POMT2: variants seen among roughly 807,000 people sequenced by gnomAD.
POMT2 encodes the protein protein O-mannosyl-transferase 2.
In POMT2, 75 loss-of-function variants were observed where a neutral mutation model predicts 100.0. That is an observed-to-expected ratio of 0.75 (90% CI 0.62 to 0.91). POMT2 has a LOEUF of 0.91. Among genes scored for constraint, POMT2 ranks in the 40% least tolerant of loss-of-function variants. The pLI is 0.00. For synonymous variants in POMT2, 378 were observed against 374.1 expected, an observed-to-expected ratio of 1.01 and a Z score of -0.12; for missense variants, 940 against 955.1, an observed-to-expected ratio of 0.98 and a Z score of 0.21.
intron 6 of POMT2, 130 bp downstream of exon 6, chr14:77,300,960 G>T: frequency 6.3e-7 from 1 of 1,581,910 alleles, no homozygotes; most frequent in Non-Finnish European, 8.6e-7. Flanking sequence ...GAGGTTGGGG[G>T]GTCCAGCCCA....
chr14:77,286,900 C>T (rs1274306064), intron 11 of POMT2, 78 bp from the exon 12 acceptor site: 2 of 1,607,180 alleles, frequency 1.2e-6, no homozygotes, highest in Non-Finnish European at 8.5e-7. Flanking sequence ...CAAGGATGTT[C>T]AGAGTCAACT....
intron 2 of POMT2, 116 bp from the exon 3 acceptor site, chr14:77,306,557 T>C (rs1468516614): frequency 7.6e-6 from 9 of 1,190,750 alleles, no homozygotes; most frequent in African/African-American, 4.6e-5. Context: ...CAACTGTCCA[T>C]AGAAAATGTT....
In POMT2 at chr14:77,277,603, T is replaced by A. The variant is rs1262532881; in HGVS notation, c.2148-122A>T. ...CCCCATCGCCAAGCCCGGTTCTCTTTCACGGCCTTGTCTGTCTGAGTCCCA... is the reference window on the plus strand; with the variant it reads ...CCCCATCGCCAAGCCCGGTTCTCTTACACGGCCTTGTCTGTCTGAGTCCCA... On this transcript the variant is annotated intron_variant, in intron 20 of 20. Coordinates refer to ENST00000261534, the MANE Select transcript of POMT2 (RefSeq NM_013382.7). 4.9e-6 allele frequency: 4 copies of A among 815,872 alleles called. No individual in the cohort carries two copies. In the African/African-American group the frequency reaches 6.7e-5, roughly 14 times the overall value. 50.5% of individuals were successfully genotyped at this position (815,872 alleles called of 1,614,324 possible). A position where few individuals can be genotyped will look rare whatever the true frequency, so the allele number is the denominator to read the frequency against.
intron 10 of POMT2, among the ~76,000 whole-genome samples, chr14:77,290,743 G>A (rs562986925): frequency 1.3e-4 from 20 of 152,312 alleles, no homozygotes; most frequent in African/African-American, 3.1e-4. Context: ...GCTTCAGAGC[G>A]CCTTCACCCA....
chr14:77,280,647 C>A (rs1277743869), intron 15 of POMT2, among the ~76,000 whole-genome samples, 184 bp from the exon 16 acceptor site: 2 of 152,168 alleles, frequency 1.3e-5, no homozygotes, highest in Non-Finnish European at 2.9e-5. Flanking sequence ...TTTACTTCTC[C>A]CAGACAAGCC....
At chr14:77,280,356 C>G in intron 16 of POMT2, 36 bp downstream of exon 16, 1 of 1,613,540 alleles carries the variant, frequency 6.2e-7, no homozygotes, top group Admixed American at 1.7e-5. Flanking sequence ...GTTCTTGGCT[C>G]CATTTCCTGG....
intron 11 of POMT2, among the ~76,000 whole-genome samples, chr14:77,288,497 T>C (rs538976867): frequency 1.9e-4 from 29 of 152,036 alleles, no homozygotes; most frequent in African/African-American, 6.5e-4. Flanking sequence ...ATAGTGAGAC[T>C]CTGTCTCAAA....
At chr14:77,319,828 A>G (rs533348609) in intron 1 of POMT2, among the ~76,000 whole-genome samples, 2 of 152,338 alleles carry the variant, frequency 1.3e-5, no homozygotes, top group South Asian at 4.1e-4. Flanking sequence ...TTAATTTCTA[A>G]ATAAAGCAAC....
At chr14:77,311,666 C>T (rs1162987306) in intron 2 of POMT2, among the ~76,000 whole-genome samples, 1 of 152,212 alleles carries the variant, frequency 6.6e-6, no homozygotes, top group East Asian at 1.9e-4. Context: ...TGTATCAGAA[C>T]CTCATCCCTT....
intron 2 of POMT2, among the ~76,000 whole-genome samples, chr14:77,310,165 T>C (rs933452602): frequency 3.9e-4 from 59 of 152,228 alleles, no homozygotes; most frequent in African/African-American, 1.4e-3. Context: ...ACATGTTCTG[T>C]TGTTTAATTC....
intron 1 of POMT2, among the ~76,000 whole-genome samples, chr14:77,317,542 G>A (rs1464023180): frequency 6.6e-6 from 1 of 152,190 alleles, no homozygotes; most frequent in Non-Finnish European, 1.5e-5. Flanking sequence ...GTCAAGTACT[G>A]AACAGTTCCC....
chr14:77,279,978 G>GC, intron 17 of POMT2, 43 bp downstream of exon 17: 1 of 1,614,146 alleles, frequency 6.2e-7, no homozygotes, highest in South Asian at 1.1e-5. Flanking sequence ...CTCTCCACGG[G>GC]CAAGTGCTCC....
chr14:77,288,979 A>G, intron 10 of POMT2, 148 bp from the exon 11 acceptor site: 1 of 719,694 alleles, frequency 1.4e-6, no homozygotes, highest in Non-Finnish European at 2.5e-6. Context: ...AAGACCCCTA[A>G]ATTGCTTCAG....
In POMT2 at chr14:77,298,685, T is replaced by G; in HGVS notation, c.1006+4A>C. ...TACCTTTGTAATGGCCCAGAGACAC[T>G]CACGTTCAGGGATGGAAGCATTGTG... On this transcript the variant is annotated splice_donor_region_variant and intron_variant, in intron 8 of 20. Transcript: ENST00000261534. 1 of 1,613,734 alleles carries G rather than the reference T, an allele frequency of 6.2e-7. No individual in the cohort carries two copies. The highest frequency in any genetic ancestry group is 8.5e-7 in the Non-Finnish European group (1 of 1,179,862).
chr14:77,286,916 G>A, intron 11 of POMT2, 94 bp from the exon 12 acceptor site: 4 of 1,589,684 alleles, frequency 2.5e-6, no homozygotes, highest in Non-Finnish European at 3.4e-6. Context: ...CAACTGTCAG[G>A]ATAAGAAAAA....
chr14:77,314,661 G>A (rs971473673), intron 1 of POMT2, among the ~76,000 whole-genome samples: 1 of 152,182 alleles, frequency 6.6e-6, no homozygotes, highest in African/African-American at 2.4e-5. Flanking sequence ...ACAAGCCACT[G>A]AATGTCACCC....
chr14:77,297,280 T>A (rs1890867585), intron 8 of POMT2, among the ~76,000 whole-genome samples: 2 of 152,176 alleles, frequency 1.3e-5, no homozygotes, highest in African/African-American at 4.8e-5. Flanking sequence ...GACCGCACAC[T>A]CTCTCAAGGG....
chr14:77,289,978 G>A (rs17105672), intron 10 of POMT2, among the ~76,000 whole-genome samples: 39,321 of 152,054 alleles, frequency 0.26, 5,808 homozygotes, highest in East Asian at 0.43. Context: ...GAACTCAACC[G>A]CAGAGACACC....
intron 1 of POMT2, among the ~76,000 whole-genome samples, chr14:77,318,925 G>A (rs1382104806): frequency 6.6e-6 from 1 of 152,028 alleles, no homozygotes; most frequent in South Asian, 2.1e-4. Context: ...CAGTTGAGAC[G>A]GAGTTTCACC....
Sources: allele counts gnomAD v4.1 joint callset (sites outside exome capture counted in the v4.1 genomes callset), GRCh38; gene constraint gnomAD v4.1.1; transcripts MANE v1.5; gene names NCBI Gene and HGNC (gene_info 2026-07-23, HGNC 2026-07-21).